The following CDK15 variants were observed in gnomAD, a reference collection of about 807,000 sequenced individuals.
CDK15 encodes cyclin dependent kinase 15.
A neutral mutation model predicts 60.3 loss-of-function variants in CDK15; 62 were observed. The observed-to-expected ratio is 1.03, with a 90% CI of 0.84 to 1.27. The LOEUF (loss-of-function observed/expected upper bound fraction) is 1.27, where lower values mean the gene tolerates loss of function less well. CDK15 is among the 50% of genes most tolerant of loss of function. The pLI, the probability that CDK15 is intolerant of heterozygous loss-of-function variation, is 0.00. For missense variants in CDK15, 541 were observed against 527.8 expected, an observed-to-expected ratio of 1.03 and a Z score of -0.25; for synonymous variants, 194 against 195.7, an observed-to-expected ratio of 0.99 and a Z score of 0.07.
intron 10 of CDK15, chr2:201,861,159 C>T (rs539379180): frequency 5.9e-6 from 6 of 1,024,926 alleles, no homozygotes; most frequent in African/African-American, 3.4e-5. Flanking sequence ...TCTGGGGTAA[C>T]TTGAGGAAGT....
chr2:201,848,083 C>T (rs1039710842), intron 9 of CDK15, among the ~76,000 whole-genome samples: 14 of 152,082 alleles, frequency 9.2e-5, no homozygotes, highest in East Asian at 1.9e-4. Context: ...GCTGTGACCA[C>T]GCCACTGCAC....
At position 201,835,753 on chromosome 2, in the gene CDK15, C is replaced by G. The variant is rs763892276; in HGVS notation, c.841C>G (p.Leu281Val). Residue 281 changes from leucine (L) to valine (V), a missense_variant, in exon 8 of 14, where the codon CTG becomes GTG. Physicochemically the swap from Leu to Val is conservative, Grantham distance 32. Transcript: ENST00000652192. ...LLGATEYSSELDIWGAGCIFI... is the reference protein window; with the variant it reads ...LLGATEYSSEVDIWGAGCIFI... Reference sequence around the variant, plus strand: ...GGGAGCCACTGAATATTCCTCTGAGCTGGACATATGGTAAGAGTGGTGCCG... The same window carrying G: ...GGGAGCCACTGAATATTCCTCTGAGGTGGACATATGGTAAGAGTGGTGCCG... The G allele has an allele frequency of 3.8e-6, 6 of 1,598,264 alleles. No individual in the cohort carries two copies. The highest frequency in any genetic ancestry group is 3.4e-5 in the Admixed American group (2 of 59,680).
intron 10 of CDK15, among the ~76,000 whole-genome samples, chr2:201,863,890 C>T (rs1486599982): frequency 1.3e-5 from 2 of 152,082 alleles, no homozygotes; most frequent in Non-Finnish European, 2.9e-5. Flanking sequence ...AGTGAGACTC[C>T]ATCTCAGAAA....
intron 10 of CDK15, among the ~76,000 whole-genome samples, chr2:201,858,595 C>T (rs1000184358): frequency 6.6e-6 from 1 of 152,080 alleles, no homozygotes; most frequent in Non-Finnish European, 1.5e-5. Flanking sequence ...TTAATCTTTT[C>T]TCTTGGGATA....
chr2:201,817,077 A>G (rs944422881), intron 4 of CDK15, among the ~76,000 whole-genome samples: 1 of 152,228 alleles, frequency 6.6e-6, no homozygotes, highest in Non-Finnish European at 1.5e-5. Flanking sequence ...TGCTGCTTCA[A>G]TAAAAGCTGC....
chr2:201,821,794 C>T (rs1204135192), intron 4 of CDK15, among the ~76,000 whole-genome samples: 5 of 152,140 alleles, frequency 3.3e-5, no homozygotes, highest in African/African-American at 1.2e-4. Context: ...CCTCAGCTTC[C>T]CGAGTGGCTG....
intron 9 of CDK15, among the ~76,000 whole-genome samples, chr2:201,853,819 C>T (rs1698014703): frequency 6.6e-6 from 1 of 152,058 alleles, no homozygotes; most frequent in Non-Finnish European, 1.5e-5. Flanking sequence ...GCTTTATACT[C>T]CGAAAGACTT....
intron 10 of CDK15, among the ~76,000 whole-genome samples, chr2:201,871,377 G>T (rs928572501): frequency 1.3e-4 from 19 of 151,676 alleles, no homozygotes; most frequent in Non-Finnish European, 2.2e-4. Flanking sequence ...TTGAACTCCT[G>T]GTCTCAACTA....
intron 11 of CDK15, among the ~76,000 whole-genome samples, chr2:201,872,812 T>C (rs1378059918): frequency 6.6e-6 from 1 of 152,120 alleles, no homozygotes; most frequent in Non-Finnish European, 1.5e-5. Flanking sequence ...ATAGAGACAT[T>C]CCGGGAATAG....
At chr2:201,829,803 T>A (rs1696669762) in intron 6 of CDK15, among the ~76,000 whole-genome samples, 2 of 151,228 alleles carry the variant, frequency 1.3e-5, no homozygotes, top group East Asian at 3.9e-4. Flanking sequence ...TTTAATTTTA[T>A]TTTTATTTAT....
chr2:201,840,172 A>G (rs1316388580), intron 8 of CDK15, among the ~76,000 whole-genome samples: 3 of 152,014 alleles, frequency 2.0e-5, no homozygotes, highest in African/African-American at 7.3e-5. Context: ...TTTAGTAGAG[A>G]CGGAGTTTCG....
intron 3 of CDK15, among the ~76,000 whole-genome samples, chr2:201,810,065 A>G (rs1193944515): frequency 2.0e-5 from 3 of 152,090 alleles, no homozygotes; most frequent in South Asian, 4.1e-4. Context: ...AAAAAAAAAA[A>G]GCATTTTCTC....
rs1484994786 is a variant in CDK15 at position 201,894,947 on chromosome 2, T to C, written c.*1680T>C. On this transcript the variant is annotated 3_prime_UTR_variant, in exon 14 of 14. Coordinates refer to ENST00000652192, the MANE Select transcript of CDK15 (RefSeq NM_001366386.2). ...CTTTGGGCTACAACTTAAAAAAGGC[T>C]ATGACTTAGTGGAAATTGGCACTTT... The C allele has an allele frequency of 2.0e-5, 3 of 152,242 alleles. No homozygotes were observed. The highest frequency in any genetic ancestry group is 4.4e-5 in the Non-Finnish European group (3 of 68,042). 9.4% of individuals were successfully genotyped at this position (152,242 alleles called of 1,614,324 possible).
chr2:201,851,135 T>C (rs2105781500), intron 9 of CDK15, among the ~76,000 whole-genome samples: 1 of 151,510 alleles, frequency 6.6e-6, no homozygotes, highest in Admixed American at 6.6e-5. Context: ...CTACTAAAAA[T>C]ACAAAAACTA....
chr2:201,877,190 C>G (rs750604196), intron 11 of CDK15, among the ~76,000 whole-genome samples: 1 of 152,182 alleles, frequency 6.6e-6, no homozygotes, highest in African/African-American at 2.4e-5. Context: ...TACACAAACA[C>G]AGTCTAAATA....
intron 8 of CDK15, among the ~76,000 whole-genome samples, chr2:201,842,649 C>T (rs2105764244): frequency 6.6e-6 from 1 of 152,258 alleles, no homozygotes; most frequent in South Asian, 2.1e-4. Flanking sequence ...CAGGGACTGC[C>T]TAAGGAATCT....
chr2:201,806,467 A>G (rs1559109892), upstream of CDK15: 1 of 453,502 alleles, frequency 2.2e-6, no homozygotes, highest in African/African-American at 2.0e-5. Flanking sequence ...AATGCAAGCA[A>G]TCCCTGTCTG....
intron 13 of CDK15, among the ~76,000 whole-genome samples, chr2:201,892,559 T>C (rs773229257): frequency 1.3e-5 from 2 of 152,158 alleles, no homozygotes; most frequent in Non-Finnish European, 2.9e-5. Flanking sequence ...GCGCCAGCAA[T>C]TGAAGAAGGG....
chr2:201,891,221 C>T (rs538060793), intron 13 of CDK15, among the ~76,000 whole-genome samples: 87 of 152,220 alleles, frequency 5.7e-4, no homozygotes, highest in Non-Finnish European at 1.1e-3. Context: ...ACAGGTGGGA[C>T]GAAGGGAGGC....
Sources: allele counts gnomAD v4.1 joint callset (sites outside exome capture counted in the v4.1 genomes callset), GRCh38; gene constraint gnomAD v4.1.1; transcripts MANE v1.5; gene names NCBI Gene and HGNC (gene_info 2026-07-23, HGNC 2026-07-21).